Variants in AK5 observed in about 807,000 individuals in gnomAD.
The protein encoded by AK5 is adenylate kinase isoenzyme 5.
In AK5, 27 loss-of-function variants were observed where a neutral mutation model predicts 69.5. The ratio of observed to expected loss-of-function variants is 0.39; its 90% CI spans 0.29 to 0.54. The LOEUF is 0.54. Ranked by LOEUF, AK5 falls within the 20% of genes least tolerant of loss-of-function variation. AK5 has a pLI of 0.71. For missense variants in AK5, 531 were observed against 700.4 expected, an observed-to-expected ratio of 0.76 and a Z score of 2.73; for synonymous variants, 260 against 244.4, an observed-to-expected ratio of 1.06 and a Z score of -0.60.
Position 77,297,717 on chromosome 1 carries a change from T to C in AK5, c.574T>C (p.Leu192=), listed in dbSNP as rs147728124. 4.6e-5 allele frequency: 74 copies of C among 1,612,700 alleles called. 1 individual carries two copies. The East Asian group carries it at 1.2e-3, about 25-fold the overall frequency. Residue 192 remains leucine (L), a synonymous_variant, in exon 4 of 14, where the codon TTG becomes CTG. Coordinates refer to ENST00000354567, the MANE Select transcript of AK5 (RefSeq NM_174858.3). ...TGCCAAGATAATTACAACTGGAGAA[T>C]TGGCCCCACAGGTACTGCTGTATAA... The part of the protein sequence containing the change: ...LIAKIITTGE[L]APQETTITEI...
intron 10 of AK5, among the ~76,000 whole-genome samples, chr1:77,500,675 G>A (rs981331281): frequency 2.6e-5 from 4 of 151,980 alleles, no homozygotes; most frequent in African/African-American, 4.8e-5. Context: ...CCAGCTACTC[G>A]GGAGGCTGAG....
rs1296984139 is a variant in AK5, at chr1:77,410,968, T to C, written c.892-13T>C. Reference sequence around the variant, plus strand: ...TCTCACATTCCAAACTTGTCTGTCCTGATTTCCCCCAGTTTGATGCCGACC... The same window carrying C: ...TCTCACATTCCAAACTTGTCTGTCCCGATTTCCCCCAGTTTGATGCCGACC... On this transcript the variant is annotated splice_polypyrimidine_tract_variant and intron_variant, in intron 6 of 13. Transcript: ENST00000354567. 2.5e-6 allele frequency: 4 copies of C among 1,611,472 alleles called. No homozygotes were observed.
At chr1:77,494,426 A>G (rs1397314514) in intron 10 of AK5, among the ~76,000 whole-genome samples, 2 of 152,198 alleles carry the variant, frequency 1.3e-5, no homozygotes, top group Non-Finnish European at 2.9e-5. Context: ...TGCAGGATCT[A>G]GCAGGCCCCA....
chr1:77,326,619 A>G (rs1298237866), intron 5 of AK5, among the ~76,000 whole-genome samples: 1 of 152,156 alleles, frequency 6.6e-6, no homozygotes, highest in African/African-American at 2.4e-5. Context: ...TTCACATTTA[A>G]TATACTCTGG....
chr1:77,339,057 G>GA (rs34899933), intron 5 of AK5, among the ~76,000 whole-genome samples: 20,569 of 151,888 alleles, frequency 0.14, 1,623 homozygotes, highest in East Asian at 0.37. Flanking sequence ...TGTGATATGG[G>GA]AAAAAAATCA....
At chr1:77,333,396 T>C (rs1042563990) in intron 5 of AK5, among the ~76,000 whole-genome samples, 2 of 152,202 alleles carry the variant, frequency 1.3e-5, no homozygotes, top group African/African-American at 4.8e-5. Flanking sequence ...AATTAAAATA[T>C]TTATTCTGTT....
chr1:77,554,891 C>T (rs1369944068), intron 13 of AK5, among the ~76,000 whole-genome samples: 3 of 150,990 alleles, frequency 2.0e-5, no homozygotes, highest in Non-Finnish European at 1.5e-5. Flanking sequence ...GCTGGGATTA[C>T]AGGCGTGAGC....
At chr1:77,337,160 A>G (rs1015466383) in intron 5 of AK5, among the ~76,000 whole-genome samples, 1 of 152,198 alleles carries the variant, frequency 6.6e-6, no homozygotes, top group Non-Finnish European at 1.5e-5. Context: ...GTATTAAAAA[A>G]CCACATAAAT....
At chr1:77,485,357 G>T (rs1472958745) in intron 9 of AK5, among the ~76,000 whole-genome samples, 1 of 152,142 alleles carries the variant, frequency 6.6e-6, no homozygotes, top group South Asian at 2.1e-4. Context: ...TAGAGTTGGG[G>T]CTTCACTCAG....
intron 6 of AK5, among the ~76,000 whole-genome samples, chr1:77,361,835 C>T (rs751285246): frequency 2.2e-4 from 34 of 152,274 alleles, no homozygotes; most frequent in Middle Eastern, 3.4e-3. Context: ...GACATCCTCA[C>T]CCCCGCCGTA....
chr1:77,320,785 G>A (rs915443802), intron 5 of AK5, among the ~76,000 whole-genome samples: 1 of 152,084 alleles, frequency 6.6e-6, no homozygotes, highest in Non-Finnish European at 1.5e-5. Flanking sequence ...CTACACATAA[G>A]AAAGCTGGAG....
At chr1:77,544,637 T>A (rs1659447225) in intron 13 of AK5, among the ~76,000 whole-genome samples, 1 of 152,100 alleles carries the variant, frequency 6.6e-6, no homozygotes, top group Admixed American at 6.5e-5. Context: ...ATCATGCCAC[T>A]GTCTTTACCT....
At chr1:77,423,122 G>T (rs1650943922) in intron 8 of AK5, among the ~76,000 whole-genome samples, 1 of 151,476 alleles carries the variant, frequency 6.6e-6, no homozygotes, top group Non-Finnish European at 1.5e-5. Context: ...TTGGGAGGCT[G>T]AGGCAGGAGA....
intron 7 of AK5, among the ~76,000 whole-genome samples, chr1:77,414,636 C>T (rs142997727): frequency 1.3e-5 from 2 of 152,120 alleles, no homozygotes; most frequent in African/African-American, 2.4e-5. Context: ...TGTATTTCAG[C>T]GCATACCTTT....
chr1:77,446,359 T>C (rs1652753045), intron 8 of AK5, among the ~76,000 whole-genome samples: 1 of 152,220 alleles, frequency 6.6e-6, no homozygotes, highest in Non-Finnish European at 1.5e-5. Flanking sequence ...AATCAGGAAG[T>C]GTGATGCCAC....
chr1:77,459,273 C>G (rs1653685709), intron 8 of AK5, among the ~76,000 whole-genome samples: 1 of 152,210 alleles, frequency 6.6e-6, no homozygotes, highest in African/African-American at 2.4e-5. Flanking sequence ...AAACTCCTTA[C>G]ATGGATTATA....
chr1:77,429,481 C>T (rs143339616), intron 8 of AK5, among the ~76,000 whole-genome samples: 1 of 152,222 alleles, frequency 6.6e-6, no homozygotes, highest in East Asian at 1.9e-4. Context: ...GTGCCAGACT[C>T]TATATGAGGT....
intron 6 of AK5, among the ~76,000 whole-genome samples, chr1:77,367,222 T>A (rs1646965547): frequency 6.6e-6 from 1 of 151,916 alleles, no homozygotes; most frequent in South Asian, 2.1e-4. Flanking sequence ...GATTTGGGGT[T>A]TTTTTTGGGG....
intron 10 of AK5, among the ~76,000 whole-genome samples, chr1:77,493,484 A>T (rs1278292205): frequency 6.6e-6 from 1 of 152,170 alleles, no homozygotes; most frequent in Non-Finnish European, 1.5e-5. Context: ...ATATGGGCTT[A>T]TAATGGGAAT....
Sources: gnomAD v4.1 joint callset for allele counts (sites outside exome capture counted in the v4.1 genomes callset) on GRCh38, gnomAD v4.1.1 for gene constraint, MANE v1.5 for transcripts, NCBI Gene and HGNC (gene_info 2026-07-23, HGNC 2026-07-21) for gene names.